Variants in TTC7A observed in about 807,000 individuals in gnomAD.
TTC7A encodes the protein tetratricopeptide repeat domain 7A, also known as tetratricopeptide repeat protein 7A.
Under a neutral mutation model 103.7 loss-of-function variants are expected in TTC7A, and 110 were observed. That is an observed-to-expected ratio of 1.06 (90% CI 0.91 to 1.24). The LOEUF (loss-of-function observed/expected upper bound fraction) is 1.24. TTC7A is among the 50% of genes most tolerant of loss of function. The pLI is 0.00. For synonymous variants in TTC7A, 521 were observed against 467.9 expected (o/e 1.11, Z -1.47); for missense variants, 1,340 against 1,116.3 (o/e 1.20, Z -2.86).
chr2:47,004,785 CCA>C (rs1677198080), intron 8 of TTC7A, among the ~76,000 whole-genome samples: 1 of 151,974 alleles, frequency 6.6e-6, no homozygotes, highest in Non-Finnish European at 1.5e-5. Flanking sequence ...ATTTCTGGCC[CCA>C]GAGTGTCCTC....
At chr2:46,923,524 A>G (rs1669216918) in intron 2 of TTC7A, among the ~76,000 whole-genome samples, 1 of 152,206 alleles carries the variant, frequency 6.6e-6, no homozygotes, top group Non-Finnish European at 1.5e-5. Flanking sequence ...AGTCCTAGCC[A>G]TATGTGAAAG....
In TTC7A at chr2:47,006,030, A is replaced by G. The variant is rs746490823; in HGVS notation, c.1174A>G (p.Arg392Gly). ...IYDLLSITLG[R>G]RGQYVMLSEC... ...TGACCTCCTGAGCATCACGTTGGGC[A>G]GAAGGGGACAGTACGTCATGCTCTC... The change falls in exon 9 of 20, where the codon AGA (arginine) becomes GGA (glycine). Residue 392 changes from arginine to glycine, a missense_variant. Transcript: ENST00000319190. 6.2e-7 allele frequency: 1 copy of G among 1,613,736 alleles called. No homozygotes were observed. Among genetic ancestry groups the G allele is most frequent in the South Asian group, 1.1e-5 (1 of 91,044 alleles).
intron 12 of TTC7A, 40 bp downstream of exon 12, chr2:47,022,019 C>G (rs747417797): frequency 2.0e-6 from 3 of 1,476,506 alleles, no homozygotes; most frequent in African/African-American, 1.4e-5. Context: ...TTGGGGATGG[C>G]TCAGGCTTCC....
chr2:46,938,312 A>G (rs1670080566), upstream of TTC7A, among the ~76,000 whole-genome samples: 1 of 152,238 alleles, frequency 6.6e-6, no homozygotes, highest in South Asian at 2.1e-4. Flanking sequence ...CAAAATATCA[A>G]TCTTAAACTT....
chr2:47,056,909 C>G (rs1683368775), intron 18 of TTC7A, among the ~76,000 whole-genome samples: 1 of 121,562 alleles, frequency 8.2e-6, no homozygotes, highest in African/African-American at 4.1e-5. Context: ...TCTCTGACCC[C>G]TCCCCCCCAT....
chr2:46,988,228 C>A (rs1207738574), intron 5 of TTC7A, among the ~76,000 whole-genome samples: 1 of 152,132 alleles, frequency 6.6e-6, no homozygotes, highest in African/African-American at 2.4e-5. Context: ...GGAAGGAGCC[C>A]GGCACCTGGA....
rs1280678941 is a variant in TTC7A at position 47,050,037 on chromosome 2, G to A, written c.2008G>A (p.Ala670Thr). 1 of 1,613,692 alleles carries A rather than the reference G, an allele frequency of 6.2e-7. No homozygotes were observed. Among genetic ancestry groups the A allele is most frequent in the East Asian group, 2.2e-5 (1 of 44,876 alleles). The change falls in exon 17 of 20, where the codon GCA becomes ACA. Residue 670 changes from alanine (A) to threonine (T), a missense_variant. By Grantham distance (58) the Ala-to-Thr change is moderately conservative. Coordinates refer to ENST00000319190, the MANE Select transcript of TTC7A (RefSeq NM_020458.4). ...MHLTLPDAHDADSGSRRASSI... is the reference protein window; with the variant it reads ...MHLTLPDAHDTDSGSRRASSI... ...CCTGACTTTGCCTGATGCCCATGAT[G>A]CAGACTCTGGTAAGAACGAGCTCCT...
In TTC7A at chr2:47,073,791, G is replaced by GT; in HGVS notation, c.2446dup (p.Trp816LeufsTer19). ...AGAGGCAGAGTACGTGCCACGAGGC[G>GT]TGGCAGGGCCTGGGCGAGGTGCTGC... On this transcript the variant is annotated frameshift_variant, in exon 20 of 20. Coordinates refer to ENST00000319190, the MANE Select transcript of TTC7A (RefSeq NM_020458.4). LOFTEE classifies it high-confidence loss of function. The GT allele has an allele frequency of 1.9e-6, 3 of 1,613,810 alleles. No individual in the cohort carries two copies. Among genetic ancestry groups the GT allele is most frequent in the Non-Finnish European group, 2.5e-6 (3 of 1,180,018 alleles).
At position 46,992,560 on chromosome 2, in the gene TTC7A, G is replaced by T. The variant is rs375924978; in HGVS notation, c.765-890G>T. ...GAGGTGGGAGAAAGGTGAGGGGCAG[G>T]CCCCACAGCCTCAGGAAGCTACGCT... On this transcript the variant is annotated intron_variant, in intron 5 of 19. Coordinates refer to ENST00000319190, the MANE Select transcript of TTC7A (RefSeq NM_020458.4). 7.9e-5 allele frequency among the ~76,000 whole-genome samples: 12 copies of T among 152,220 alleles called. No homozygotes were observed. In the East Asian group the frequency reaches 1.9e-3, roughly 24 times the overall value.
At chr2:46,968,220 A>G (rs1359466712) in intron 3 of TTC7A, among the ~76,000 whole-genome samples, 1 of 152,218 alleles carries the variant, frequency 6.6e-6, no homozygotes, top group Admixed American at 6.5e-5. Flanking sequence ...TGAGTTAATG[A>G]AAAAGCAAGT....
chr2:47,040,024 T>C (rs1681561895), intron 15 of TTC7A, among the ~76,000 whole-genome samples: 1 of 152,198 alleles, frequency 6.6e-6, no homozygotes, highest in African/African-American at 2.4e-5. Flanking sequence ...GGGTGCTGCA[T>C]CATGCTTGCA....
intron 11 of TTC7A, among the ~76,000 whole-genome samples, chr2:47,018,649 C>T (rs913220039): frequency 6.7e-6 from 1 of 149,758 alleles, no homozygotes; most frequent in African/African-American, 2.5e-5. Flanking sequence ...AAGTAGATAT[C>T]ATATATGAAA....
At position 46,958,911 on chromosome 2, in the gene TTC7A, A is replaced by G. The variant is rs370667030; in HGVS notation, c.517+1904A>G. On this transcript the variant is annotated intron_variant, in intron 3 of 19. Coordinates refer to ENST00000319190, the MANE Select transcript of TTC7A (RefSeq NM_020458.4). ...AGGGTGGTGGCAGCAGGGGCCACAGAGTTCACAGAATGCTGATATTTATTC... is the reference window on the plus strand; with the variant it reads ...AGGGTGGTGGCAGCAGGGGCCACAGGGTTCACAGAATGCTGATATTTATTC... Among the ~76,000 whole-genome samples, 25 of 152,282 alleles carry G rather than the reference A, an allele frequency of 1.6e-4. 1 individual carries two copies. In the East Asian group the frequency reaches 4.6e-3, roughly 28 times the overall value.
At position 46,958,466 on chromosome 2, in the gene TTC7A, C is replaced by G. The variant is rs775066432; in HGVS notation, c.517+1459C>G. 19 of 1,303,006 alleles carry G rather than the reference C, an allele frequency of 1.5e-5. No homozygotes were observed. The East Asian group carries it at 8.9e-4, about 61-fold the overall frequency. The allele number at this position is 1,303,006 out of a possible 1,614,324, so 80.7% of individuals were successfully genotyped here. ...TGAGCCTGGCTCAGGATGGATTGCC[C>G]CCTGTCTCCTGCTCTCTCCTCTTTC... On this transcript the variant is annotated intron_variant, in intron 3 of 19. Transcript: ENST00000319190.
In TTC7A at chr2:46,941,314, C is replaced by T. The variant is rs1572669614; in HGVS notation, c.-228C>T. ...TGCTCCTGTACGCGTACGGGCCGCT[C>T]GGCCGGAGCCGCAGCCCGGAGGCGC... On this transcript the variant is annotated 5_prime_UTR_variant, in exon 1 of 20. Coordinates refer to ENST00000319190, the MANE Select transcript of TTC7A (RefSeq NM_020458.4). This position sits in a 1 kb window ranked among gnomAD's most constrained non-coding sequence, Gnocchi z 4.2. 2 of 202,108 alleles carry T rather than the reference C, an allele frequency of 9.9e-6. No individual in the cohort carries two copies. The highest frequency in any genetic ancestry group is 1.9e-5 in the Non-Finnish European group (2 of 106,896). 12.5% of individuals were successfully genotyped at this position (202,108 alleles called of 1,614,324 possible).
At chr2:46,942,090 CTG>C (rs1179353074) in intron 1 of TTC7A, among the ~76,000 whole-genome samples, 1 of 152,196 alleles carries the variant, frequency 6.6e-6, no homozygotes, top group East Asian at 1.9e-4. Flanking sequence ...TGAAGTGTGT[CTG>C]TGTCGTCTTT....
intron 3 of TTC7A, 147 bp from the exon 4 acceptor site, chr2:46,974,826 C>T: frequency 8.8e-7 from 1 of 1,132,184 alleles, no homozygotes. Context: ...GCTTCAGCTT[C>T]CTCCCTCCCC....
At position 47,029,231 on chromosome 2, in the gene TTC7A, G is replaced by A. The variant is rs1427537894; in HGVS notation, c.1649G>A (p.Ser550Asn). ...LQLALVRQIS[S>N]AMEQLQEALK... Reference sequence around the variant, plus strand: ...GGCGGGTTCCTTCAACAGATCTCCAGTGCCATGGAGCAGCTGCAGGAGGCC... The same window carrying A: ...GGCGGGTTCCTTCAACAGATCTCCAATGCCATGGAGCAGCTGCAGGAGGCC... The change falls in exon 15 of 20, where the codon AGT becomes AAT. Residue 550 changes from serine (S) to asparagine (N), a missense_variant. Physicochemically the swap from Ser to Asn is conservative, Grantham distance 46. Transcript: ENST00000319190. 2 of 1,613,738 alleles carry A rather than the reference G, an allele frequency of 1.2e-6. No individual in the cohort carries two copies. The highest frequency in any genetic ancestry group is 2.2e-5 in the East Asian group (1 of 44,880).
chr2:46,999,603 G>A lies in TTC7A; in HGVS notation c.1065+4404G>A, dbSNP rs531182815. The A allele has an allele frequency of 1.0e-5, 10 of 985,430 alleles. No individual in the cohort carries two copies. In the South Asian group the frequency reaches 4.2e-4, roughly 42 times the overall value. 61.0% of individuals were successfully genotyped at this position (985,430 alleles called of 1,614,324 possible). A position where few individuals can be genotyped will look rare whatever the true frequency, so the allele number is the denominator to read the frequency against. ...TGCAGTTTGTACCCAGGGATGTGGA[G>A]GAAACCCTGGTCCCCAAATCAGAAG... On this transcript the variant is annotated intron_variant, in intron 8 of 19. Transcript: ENST00000319190.
Sources: allele counts gnomAD v4.1 joint callset (sites outside exome capture counted in the v4.1 genomes callset), GRCh38; gene constraint gnomAD v4.1.1; non-coding constraint Gnocchi (gnomAD v3.1); transcripts MANE v1.5; gene names NCBI Gene and HGNC (gene_info 2026-07-23, HGNC 2026-07-21).